The following ARHGEF26 variants were observed in gnomAD, a reference collection of about 807,000 sequenced individuals.
ARHGEF26 encodes Rho guanine nucleotide exchange factor 26.
In ARHGEF26, 59 loss-of-function variants were observed where a neutral mutation model predicts 89.4. The observed-to-expected ratio is 0.66, with a 90% CI of 0.54 to 0.82. The LOEUF (loss-of-function observed/expected upper bound fraction) is 0.82, where lower values mean the gene tolerates loss of function less well. Ranked by LOEUF, ARHGEF26 falls within the 40% of genes least tolerant of loss-of-function variation. The pLI, the probability that ARHGEF26 is intolerant of heterozygous loss-of-function variation, is 0.00. For synonymous variants in ARHGEF26, 500 were observed against 428.4 expected (o/e 1.17, Z -2.06); for missense variants, 1,234 against 1,085.6 (o/e 1.14, Z -1.92).
intron 4 of ARHGEF26, among the ~76,000 whole-genome samples, chr3:154,137,720 TA>T (rs1385135782): frequency 6.6e-6 from 1 of 151,422 alleles, no homozygotes; most frequent in Admixed American, 6.6e-5. Flanking sequence ...GTCCTGCCTG[TA>T]ATCTCAGAAC....
intron 6 of ARHGEF26, among the ~76,000 whole-genome samples, chr3:154,164,790 A>G (rs965617689): frequency 6.6e-6 from 1 of 152,134 alleles, no homozygotes; most frequent in Non-Finnish European, 1.5e-5. Context: ...CACACTACTT[A>G]GTTATAAATA....
At chr3:154,149,028 T>C (rs1719854494) in intron 4 of ARHGEF26, among the ~76,000 whole-genome samples, 1 of 152,094 alleles carries the variant, frequency 6.6e-6, no homozygotes, top group Non-Finnish European at 1.5e-5. Context: ...AGCCCTGGAG[T>C]TGGACTGGCG....
At chr3:154,150,741 T>C (rs979594093) in intron 5 of ARHGEF26, among the ~76,000 whole-genome samples, 1 of 152,162 alleles carries the variant, frequency 6.6e-6, no homozygotes, top group African/African-American at 2.4e-5. Context: ...TCCAAGATAT[T>C]AATCCCATTT....
chr3:154,255,197 C>G (rs1718419743), intron 14 of ARHGEF26, 134 bp from the exon 15 acceptor site: 1 of 921,602 alleles, frequency 1.1e-6, no homozygotes, highest in Non-Finnish European at 1.7e-6. Flanking sequence ...CGAAAGCTTT[C>G]CCTGTCCCAC....
At chr3:154,219,590 TA>T (rs956719129) in intron 10 of ARHGEF26, among the ~76,000 whole-genome samples, 259 of 121,292 alleles carry the variant, frequency 2.1e-3, no homozygotes, top group South Asian at 7.1e-3. Flanking sequence ...GCAAGACTCT[TA>T]AAAAAAAAAA....
intron 9 of ARHGEF26, among the ~76,000 whole-genome samples, chr3:154,212,307 A>G (rs1715422679): frequency 6.6e-6 from 1 of 150,464 alleles, no homozygotes; most frequent in South Asian, 2.1e-4. Context: ...ACACCACTGT[A>G]CTACAACCTG....
At chr3:154,160,602 T>C (rs1005126656) in intron 6 of ARHGEF26, among the ~76,000 whole-genome samples, 2 of 152,146 alleles carry the variant, frequency 1.3e-5, no homozygotes, top group African/African-American at 4.8e-5. Context: ...AGTTTAAATC[T>C]AGACTGGTAG....
In ARHGEF26 at chr3:154,176,485, G is replaced by A. The variant is rs146893664; in HGVS notation, c.1488-11200G>A. Among the ~76,000 whole-genome samples the A allele has an allele frequency of 1.1e-3, 168 of 152,284 alleles. 1 individual carries two copies. The highest frequency in any genetic ancestry group is 4.0e-3 in the African/African-American group (167 of 41,552). On this transcript the variant is annotated intron_variant, in intron 6 of 14. Coordinates refer to ENST00000465093, the MANE Select transcript of ARHGEF26 (RefSeq NM_015595.4). Reference sequence around the variant, plus strand: ...AATCAGCTGCTCTGGGTCCTGGTGAGTGACATAGTCCTGGTGATCAGTGTC... The same window carrying A: ...AATCAGCTGCTCTGGGTCCTGGTGAATGACATAGTCCTGGTGATCAGTGTC...
intron 9 of ARHGEF26, among the ~76,000 whole-genome samples, chr3:154,213,258 CT>C (rs1715503570): frequency 8.5e-6 from 1 of 116,996 alleles, no homozygotes; most frequent in African/African-American, 2.9e-5. Context: ...TATATATATG[CT>C]TTTGTTCCAG....
At chr3:154,124,273 G>C in intron 2 of ARHGEF26, 137 bp from the exon 3 acceptor site, 1 of 631,692 alleles carries the variant, frequency 1.6e-6, no homozygotes, top group Non-Finnish European at 2.7e-6. Flanking sequence ...GCTTCTGTGC[G>C]CTCTTGGAAA....
At chr3:154,202,548 G>A (rs1383171514) in intron 9 of ARHGEF26, among the ~76,000 whole-genome samples, 1 of 152,098 alleles carries the variant, frequency 6.6e-6, no homozygotes, top group Non-Finnish European at 1.5e-5. Context: ...GAAAGTCATT[G>A]GTAGCTTGAT....
intron 9 of ARHGEF26, among the ~76,000 whole-genome samples, chr3:154,214,590 G>C (rs1381686007): frequency 6.6e-6 from 1 of 152,180 alleles, no homozygotes; most frequent in Admixed American, 6.5e-5. Context: ...GTTTGGTCAT[G>C]CTGAATTTGA....
chr3:154,253,663 T>A lies in ARHGEF26; in HGVS notation c.2368+480T>A, dbSNP rs187922695. Among the ~76,000 whole-genome samples, 4 of 151,526 alleles carry A rather than the reference T, an allele frequency of 2.6e-5. No individual in the cohort carries two copies. In the East Asian group the frequency reaches 7.7e-4, roughly 29 times the overall value. On this transcript the variant is annotated intron_variant, in intron 13 of 14. Transcript: ENST00000465093. ...ATTACCTAAGAATTCTTTTTGACCTTCTAAGAAAGTGTGTTTCACTATTCT... is the reference window on the plus strand; with the variant it reads ...ATTACCTAAGAATTCTTTTTGACCTACTAAGAAAGTGTGTTTCACTATTCT...
intron 6 of ARHGEF26, among the ~76,000 whole-genome samples, chr3:154,164,038 A>G (rs1711829672): frequency 6.6e-6 from 1 of 152,160 alleles, no homozygotes; most frequent in Non-Finnish European, 1.5e-5. Context: ...TGCCAACTTA[A>G]TTCAGGTTGT....
intron 6 of ARHGEF26, among the ~76,000 whole-genome samples, chr3:154,186,136 G>GACACACACACACACACACAC (rs60675240): frequency 1.8e-3 from 258 of 147,032 alleles, no homozygotes; most frequent in African/African-American, 6.2e-3. Context: ...CACACACTTA[G>GACACACACACACACACACAC]ACACACACAC....
At chr3:154,225,184 TG>T (rs1300414744) in intron 10 of ARHGEF26, among the ~76,000 whole-genome samples, 2 of 152,180 alleles carry the variant, frequency 1.3e-5, no homozygotes, top group Admixed American at 1.3e-4. Flanking sequence ...GCCTTTTCTA[TG>T]ATATTATAAT....
At chr3:154,254,960 G>A (rs1405147788) in intron 14 of ARHGEF26, 136 bp downstream of exon 14, 11 of 740,622 alleles carry the variant, frequency 1.5e-5, no homozygotes, top group Admixed American at 2.5e-5. Flanking sequence ...TATATGTACT[G>A]TCTTCTCATC....
rs1047260146 is a variant in ARHGEF26, at chr3:154,122,873, A to G, written c.881A>G (p.Glu294Gly). 6 of 1,612,700 alleles carry G rather than the reference A, an allele frequency of 3.7e-6. No homozygotes were observed. The highest frequency in any genetic ancestry group is 1.1e-5 in the South Asian group (1 of 90,714). Residue 294 changes from glutamate to glycine, a missense_variant, in exon 2 of 15, where the codon GAG becomes GGG. Physicochemically the swap from Glu to Gly is moderately conservative, Grantham distance 98. Transcript: ENST00000465093. The part of the protein sequence containing the change: ...GLGGPLGHAG[E>G]ESEVDNDVDS... ...GGAGGACCCCTGGGTCACGCAGGGG[A>G]GGAGAGTGAGGTCGATAACGACGTG... is the stretch of plus-strand genomic sequence containing the variant.
intron 6 of ARHGEF26, among the ~76,000 whole-genome samples, chr3:154,165,991 G>A (rs1576725124): frequency 6.6e-6 from 1 of 152,104 alleles, no homozygotes; most frequent in East Asian, 1.9e-4. Context: ...TCCTGGGGAT[G>A]GTTTGAAAAA....
Sources: allele counts gnomAD v4.1 joint callset (sites outside exome capture counted in the v4.1 genomes callset), GRCh38; gene constraint gnomAD v4.1.1; transcripts MANE v1.5; gene names NCBI Gene and HGNC (gene_info 2026-07-23, HGNC 2026-07-21).